SYT17: variants seen among roughly 807,000 people sequenced by gnomAD.
SYT17 encodes the protein synaptotagmin-17.
A neutral mutation model predicts 46.7 loss-of-function variants in SYT17; 22 were observed. The observed-to-expected ratio is 0.47, with a 90% CI of 0.34 to 0.67. SYT17 has a LOEUF of 0.67. SYT17 is among the 30% of genes least tolerant of loss of function. The pLI is 0.01. For missense variants in SYT17, 519 were observed against 612.8 expected, an observed-to-expected ratio of 0.85 and a Z score of 1.62; for synonymous variants, 251 against 248.4, an observed-to-expected ratio of 1.01 and a Z score of -0.10.
chr16:19,224,122 C>T (rs965613584), intron 6 of SYT17, among the ~76,000 whole-genome samples: 3 of 152,180 alleles, frequency 2.0e-5, no homozygotes, highest in African/African-American at 7.2e-5. Context: ...TATAATTCTG[C>T]CATCTCTATT....
intron 5 of SYT17, among the ~76,000 whole-genome samples, chr16:19,201,000 G>A (rs1450842151): frequency 3.9e-5 from 6 of 152,104 alleles, no homozygotes; most frequent in Admixed American, 6.5e-5. Context: ...GGGCAGCTCC[G>A]ACTCCCCACC....
At chr16:19,246,842 T>C (rs752705433) in intron 7 of SYT17, among the ~76,000 whole-genome samples, 4 of 152,180 alleles carry the variant, frequency 2.6e-5, no homozygotes, top group East Asian at 1.9e-4. Flanking sequence ...GTGAGCAAAT[T>C]AGACAAAAAT....
In SYT17 at chr16:19,183,649, C is replaced by A; in HGVS notation, c.453C>A (p.Asp151Glu). Reference protein sequence around the residue: ...PSVLRRTYNPDDYFRKFEPHL... With the variant: ...PSVLRRTYNPEDYFRKFEPHL... ...TGCTCAGACGGACCTATAACCCCGACGACTATTTCAGGAAGTTCGAACCCC... is the reference window on the plus strand; with the variant it reads ...TGCTCAGACGGACCTATAACCCCGAAGACTATTTCAGGAAGTTCGAACCCC... Residue 151 changes from aspartate (D) to glutamate (E), a missense_variant, in exon 5 of 8, where the codon GAC (aspartate) becomes GAA (glutamate). By Grantham distance (45) the Asp-to-Glu change is conservative. Coordinates refer to ENST00000355377, the MANE Select transcript of SYT17 (RefSeq NM_016524.4). The surrounding 1 kb of genome is among the most constrained non-coding windows in gnomAD (Gnocchi z 5.6). The A allele has an allele frequency of 2.5e-6, 4 of 1,614,180 alleles. No homozygotes were observed. Among genetic ancestry groups the A allele is most frequent in the Non-Finnish European group, 3.4e-6 (4 of 1,180,042 alleles).
Position 19,218,967 on chromosome 16 carries a change from C to G in SYT17, c.952-4078C>G, listed in dbSNP as rs1184377291. Among the ~76,000 whole-genome samples the G allele has an allele frequency of 2.6e-5, 4 of 152,184 alleles. No individual in the cohort carries two copies. In the East Asian group the frequency reaches 7.7e-4, roughly 29 times the overall value. On this transcript the variant is annotated intron_variant, in intron 5 of 7. Coordinates refer to ENST00000355377, the MANE Select transcript of SYT17 (RefSeq NM_016524.4). ...CCTCATTCCTCTTCAAACCTCGCCT[C>G]TCAGAGAAACCCTACCCCATCCACC...
intron 7 of SYT17, among the ~76,000 whole-genome samples, chr16:19,228,761 TTC>T (rs1966582192): frequency 6.6e-6 from 1 of 152,180 alleles, no homozygotes; most frequent in Non-Finnish European, 1.5e-5. Context: ...TGAACTCAGA[TTC>T]ATAAGGTTCT....
chr16:19,181,226 TG>T (rs1964544541), intron 4 of SYT17, among the ~76,000 whole-genome samples: 1 of 152,206 alleles, frequency 6.6e-6, no homozygotes, highest in African/African-American at 2.4e-5. Flanking sequence ...CCACCCAATT[TG>T]TCCACTCTGT....
intron 7 of SYT17, among the ~76,000 whole-genome samples, chr16:19,227,221 T>C (rs542843006): frequency 1.3e-5 from 2 of 152,294 alleles, no homozygotes; most frequent in African/African-American, 4.8e-5. Context: ...TTTAGTGTTT[T>C]CCTTTTTTCT....
intron 5 of SYT17, among the ~76,000 whole-genome samples, chr16:19,208,242 A>G (rs1965747363): frequency 6.6e-6 from 1 of 152,198 alleles, no homozygotes; most frequent in Non-Finnish European, 1.5e-5. Flanking sequence ...TTGTAAGAAA[A>G]TGCCGCAAAC....
At chr16:19,234,384 G>C (rs569766727) in intron 7 of SYT17, among the ~76,000 whole-genome samples, 2 of 151,840 alleles carry the variant, frequency 1.3e-5, no homozygotes, top group Non-Finnish European at 2.9e-5. Context: ...TATGGGCATC[G>C]GGCAAACTAT....
intron 5 of SYT17, among the ~76,000 whole-genome samples, chr16:19,220,212 G>A (rs191372584): frequency 1.5e-4 from 23 of 152,218 alleles, no homozygotes; most frequent in African/African-American, 5.3e-4. Context: ...TGATGTGAAG[G>A]GGGCAGGTCC....
chr16:19,214,396 A>G (rs1181718586), intron 5 of SYT17, among the ~76,000 whole-genome samples: 3 of 150,524 alleles, frequency 2.0e-5, no homozygotes, highest in Admixed American at 6.6e-5. Context: ...GTGCAGTGGC[A>G]CCACCAACAT....
At chr16:19,197,620 C>T (rs1965304644) in intron 5 of SYT17, among the ~76,000 whole-genome samples, 2 of 151,920 alleles carry the variant, frequency 1.3e-5, no homozygotes, top group Admixed American at 1.3e-4. Flanking sequence ...GGCTAATTTG[C>T]TCAGCCGTGT....
intron 7 of SYT17, among the ~76,000 whole-genome samples, chr16:19,254,645 A>G (rs1390244921): frequency 1.3e-5 from 2 of 152,230 alleles, no homozygotes; most frequent in Admixed American, 1.3e-4. Context: ...CATGACGTAG[A>G]TGAAATATTG....
chr16:19,168,240 G>C lies in SYT17; in HGVS notation c.-407G>C. On this transcript the variant is annotated 5_prime_UTR_variant, in exon 1 of 8. Coordinates refer to ENST00000355377, the MANE Select transcript of SYT17 (RefSeq NM_016524.4). This position sits in a 1 kb window ranked among gnomAD's most constrained non-coding sequence, Gnocchi z 6.9. ...TCCCATCCCCTCCCCCGCCTCCTGC[G>C]CGCTCCGGCCCCGGCGTCTCCGGCC... is the stretch of plus-strand genomic sequence containing the variant. 6.3e-6 allele frequency: 1 copy of C among 159,264 alleles called. No homozygotes were observed. The highest frequency in any genetic ancestry group is 1.3e-5 in the Non-Finnish European group (1 of 76,232). 9.9% of individuals were successfully genotyped at this position (159,264 alleles called of 1,614,324 possible). A position where few individuals can be genotyped will look rare whatever the true frequency, so the allele number is the denominator to read the frequency against.
At chr16:19,248,315 G>A (rs1293952102) in intron 7 of SYT17, among the ~76,000 whole-genome samples, 1 of 152,064 alleles carries the variant, frequency 6.6e-6, no homozygotes, top group African/African-American at 2.4e-5. Context: ...GTTATGAATG[G>A]GGCTTATAAG....
intron 5 of SYT17, among the ~76,000 whole-genome samples, chr16:19,185,256 CAG>C (rs1022364945): frequency 5.9e-5 from 9 of 152,136 alleles, no homozygotes; most frequent in South Asian, 2.1e-4. Flanking sequence ...GATGGAGAAA[CAG>C]GGGAGGGGGC....
chr16:19,235,315 C>T lies in SYT17; in HGVS notation c.1228+10477C>T, dbSNP rs78962340. 3.3e-3 allele frequency among the ~76,000 whole-genome samples: 505 copies of T among 152,278 alleles called. 6 individuals are homozygous for T. Among genetic ancestry groups the T allele is most frequent in the African/African-American group, 0.012 (481 of 41,552 alleles). On this transcript the variant is annotated intron_variant, in intron 7 of 7. Transcript: ENST00000355377. Reference sequence around the variant, plus strand: ...AACCAAACTATAGGGTGGCTCACCACCTAGGTCCCTTGGGGACACATCTGA... The same window carrying T: ...AACCAAACTATAGGGTGGCTCACCATCTAGGTCCCTTGGGGACACATCTGA...
chr16:19,234,749 G>A (rs1178831044), intron 7 of SYT17, among the ~76,000 whole-genome samples: 1 of 152,144 alleles, frequency 6.6e-6, no homozygotes, highest in African/African-American at 2.4e-5. Context: ...GGGGTTAAAG[G>A]CAAATCAGCC....
intron 5 of SYT17, among the ~76,000 whole-genome samples, chr16:19,187,743 T>G (rs1964842496): frequency 6.6e-6 from 1 of 152,164 alleles, no homozygotes; most frequent in South Asian, 2.1e-4. Flanking sequence ...AAAGAGCTCA[T>G]CACTGATCAT....
Sources: allele counts gnomAD v4.1 joint callset (sites outside exome capture counted in the v4.1 genomes callset), GRCh38; gene constraint gnomAD v4.1.1; non-coding constraint Gnocchi (gnomAD v3.1); transcripts MANE v1.5; gene names NCBI Gene and HGNC (gene_info 2026-07-23, HGNC 2026-07-21).